FMNL2: variants seen among roughly 807,000 people sequenced by gnomAD.
The protein encoded by FMNL2 is formin like 2.
FMNL2 carries 51 observed loss-of-function variants against 130.2 expected under a neutral mutation model. The observed-to-expected ratio is 0.39, with a 90% CI of 0.31 to 0.49. The LOEUF is 0.49. Ranked by LOEUF, FMNL2 falls within the 20% of genes least tolerant of loss-of-function variation. The probability of loss-of-function intolerance (pLI) is 0.85; values close to 1 mark genes in which losing one functional copy is unlikely to be tolerated. For missense variants in FMNL2, 977 were observed against 1,316.2 expected, an observed-to-expected ratio of 0.74 and a Z score of 3.99; for synonymous variants, 465 against 467.1, an observed-to-expected ratio of 1.00 and a Z score of 0.06.
intron 1 of FMNL2, among the ~76,000 whole-genome samples, chr2:152,395,543 A>G (rs907085979): frequency 6.6e-5 from 10 of 152,332 alleles, no homozygotes; most frequent in Admixed American, 3.9e-4. Context: ...TTAAAAGTTA[A>G]ATTAGATGTG....
At position 152,443,899 on chromosome 2, in the gene FMNL2, G is replaced by A. The variant is rs150895719; in HGVS notation, c.118-78044G>A. On this transcript the variant is annotated intron_variant, in intron 1 of 25. Transcript: ENST00000288670. ...GAGAAACAGCATCAGTTGCTGCTGG[G>A]GAATGCCAGGAAATTAAGTACTAAA... Among the ~76,000 whole-genome samples, 518 of 152,140 alleles carry A rather than the reference G, an allele frequency of 3.4e-3. 1 individual carries two copies. Among genetic ancestry groups the A allele is most frequent in the Non-Finnish European group, 5.0e-3 (342 of 67,994 alleles).
intron 1 of FMNL2, among the ~76,000 whole-genome samples, chr2:152,441,458 C>T (rs1029421590): frequency 6.6e-6 from 1 of 151,888 alleles, no homozygotes; most frequent in African/African-American, 2.4e-5. Context: ...GATTCTTGAG[C>T]CCGTGAGTTT....
intron 1 of FMNL2, among the ~76,000 whole-genome samples, chr2:152,438,919 T>A (rs899338607): frequency 9.8e-5 from 15 of 152,338 alleles, no homozygotes; most frequent in Middle Eastern, 3.4e-3. Context: ...TGCCGGCACT[T>A]ATGTTTCTAG....
chr2:152,403,005 C>T (rs991854486), intron 1 of FMNL2, among the ~76,000 whole-genome samples: 2 of 152,114 alleles, frequency 1.3e-5, no homozygotes, highest in African/African-American at 4.8e-5. Flanking sequence ...ATGATCTTGA[C>T]AGTTTCGAGG....
At chr2:152,455,622 A>T (rs1377995539) in intron 1 of FMNL2, among the ~76,000 whole-genome samples, 1 of 152,234 alleles carries the variant, frequency 6.6e-6, no homozygotes, top group African/African-American at 2.4e-5. Context: ...ACAGTTCTTC[A>T]TGGGACTCAT....
At chr2:152,365,999 A>T (rs77538723) in intron 1 of FMNL2, among the ~76,000 whole-genome samples, 9 of 152,236 alleles carry the variant, frequency 5.9e-5, no homozygotes, top group African/African-American at 2.2e-4. Context: ...ATTAACATGT[A>T]GTAGCAGAAA....
At chr2:152,602,957 G>A (rs1698165611) in intron 9 of FMNL2, among the ~76,000 whole-genome samples, 1 of 152,244 alleles carries the variant, frequency 6.6e-6, no homozygotes, top group African/African-American at 2.4e-5. Flanking sequence ...GATGTGAGCA[G>A]TATGAACGAA....
intron 25 of FMNL2, among the ~76,000 whole-genome samples, chr2:152,642,561 G>A (rs912162799): frequency 1.3e-5 from 2 of 152,182 alleles, no homozygotes; most frequent in Non-Finnish European, 1.5e-5. Context: ...AACCTTCATT[G>A]TAGCACTCTC....
chr2:152,407,673 C>G (rs577357122), intron 1 of FMNL2, among the ~76,000 whole-genome samples: 43 of 152,320 alleles, frequency 2.8e-4, no homozygotes, highest in South Asian at 8.3e-4. Context: ...CTGTACCAAG[C>G]CCTCTTTCTG....
chr2:152,338,067 G>A (rs779225898), intron 1 of FMNL2, among the ~76,000 whole-genome samples: 4 of 141,424 alleles, frequency 2.8e-5, no homozygotes, highest in Non-Finnish European at 6.2e-5. Flanking sequence ...TCTCAACTTT[G>A]CTTTTCTTCA....
chr2:152,619,803 A>T, intron 15 of FMNL2, 85 bp downstream of exon 15: 1 of 1,531,224 alleles, frequency 6.5e-7, no homozygotes, highest in Non-Finnish European at 8.8e-7. Context: ...TTCAAAGTCC[A>T]GGTCTCTTGC....
chr2:152,359,097 G>A (rs1253852323), intron 1 of FMNL2, among the ~76,000 whole-genome samples: 2 of 152,098 alleles, frequency 1.3e-5, no homozygotes, highest in Non-Finnish European at 1.5e-5. Flanking sequence ...AGCTTACAGT[G>A]TATTTCCAGT....
At chr2:152,545,155 C>A (rs1384913633) in intron 3 of FMNL2, among the ~76,000 whole-genome samples, 2 of 152,124 alleles carry the variant, frequency 1.3e-5, no homozygotes, top group African/African-American at 2.4e-5. Flanking sequence ...AGGAAATGAT[C>A]TGTTCCACAC....
intron 12 of FMNL2, 62 bp downstream of exon 12, chr2:152,615,062 ATG>A: frequency 6.4e-7 from 1 of 1,568,186 alleles, no homozygotes; most frequent in Non-Finnish European, 8.7e-7. Context: ...AGCAGAATTA[ATG>A]TCAGCTTTTA....
intron 6 of FMNL2, among the ~76,000 whole-genome samples, chr2:152,571,325 C>A (rs894429489): frequency 2.0e-5 from 3 of 152,142 alleles, no homozygotes; most frequent in Non-Finnish European, 4.4e-5. Flanking sequence ...AGTCTGGGAT[C>A]ATGCAAGATG....
At position 152,647,941 on chromosome 2, in the gene FMNL2, T is replaced by C; in HGVS notation, c.*36T>C. ...GGCCTGCATGAATACAGGGTGTGCGTGAATGAAACTGCCCACATGAACTTT... is the reference window on the plus strand; with the variant it reads ...GGCCTGCATGAATACAGGGTGTGCGCGAATGAAACTGCCCACATGAACTTT... On this transcript the variant is annotated 3_prime_UTR_variant, in exon 26 of 26. Coordinates refer to ENST00000288670, the MANE Select transcript of FMNL2 (RefSeq NM_052905.4). 6.7e-7 allele frequency: 1 copy of C among 1,499,932 alleles called. No homozygotes were observed. The highest frequency in any genetic ancestry group is 9.1e-7 in the Non-Finnish European group (1 of 1,095,752). The allele number at this position is 1,499,932 out of a possible 1,614,324, so 92.9% of individuals were successfully genotyped here.
chr2:152,484,920 GTA>G (rs1690733636), intron 1 of FMNL2, among the ~76,000 whole-genome samples: 1 of 152,234 alleles, frequency 6.6e-6, no homozygotes, highest in Admixed American at 6.5e-5. Flanking sequence ...AAAGCTGTGT[GTA>G]GCAATGTTCT....
chr2:152,520,532 T>C (rs1287339994), intron 1 of FMNL2, among the ~76,000 whole-genome samples: 5 of 151,122 alleles, frequency 3.3e-5, no homozygotes, highest in Non-Finnish European at 7.4e-5. Flanking sequence ...GAAGCGGAGG[T>C]TGCAGTGAGC....
At chr2:152,558,643 T>A in intron 4 of FMNL2, 97 bp from the exon 5 acceptor site, 1 of 1,105,026 alleles carries the variant, frequency 9.0e-7, no homozygotes, top group Non-Finnish European at 1.3e-6. Flanking sequence ...GCAATGAAAG[T>A]TTCTGGTGGA....
Sources: gnomAD v4.1 joint callset for allele counts (sites outside exome capture counted in the v4.1 genomes callset) on GRCh38, gnomAD v4.1.1 for gene constraint, MANE v1.5 for transcripts, NCBI Gene and HGNC (gene_info 2026-07-23, HGNC 2026-07-21) for gene names.